The following CADM2 variants were observed in gnomAD, a reference collection of about 807,000 sequenced individuals.
CADM2 encodes cell adhesion molecule 2.
In CADM2, 12 loss-of-function variants were observed where a neutral mutation model predicts 49.8. The ratio of observed to expected loss-of-function variants is 0.24; its 90% confidence interval spans 0.15 to 0.39. The LOEUF is 0.39. CADM2 is among the 10% of genes least tolerant of loss of function. The pLI is 1.00. For synonymous variants in CADM2, 214 were observed against 175.4 expected, an observed-to-expected ratio of 1.22 and a Z score of -1.74; for missense variants, 378 against 492.3, an observed-to-expected ratio of 0.77 and a Z score of 2.20.
chr3:85,526,518 C>A (rs1185680920), intron 1 of CADM2, among the ~76,000 whole-genome samples: 4 of 152,154 alleles, frequency 2.6e-5, no homozygotes, highest in African/African-American at 9.7e-5. Context: ...ATAGGAGGAA[C>A]ACTGACTTGT....
chr3:85,492,926 CTG>C (rs2039737527), intron 1 of CADM2, among the ~76,000 whole-genome samples: 2 of 152,024 alleles, frequency 1.3e-5, no homozygotes, highest in Non-Finnish European at 2.9e-5. Context: ...TGGTACTAGA[CTG>C]TTTATATTTT....
At chr3:85,694,948 A>T (rs536239754) in intron 1 of CADM2, among the ~76,000 whole-genome samples, 49 of 152,110 alleles carry the variant, frequency 3.2e-4, no homozygotes, top group African/African-American at 9.6e-4. Flanking sequence ...TAAAATAAAA[A>T]AAATAAAAGA....
chr3:85,010,634 C>T (rs2033941566), intron 1 of CADM2, among the ~76,000 whole-genome samples: 1 of 151,930 alleles, frequency 6.6e-6, no homozygotes, highest in Admixed American at 6.6e-5. Context: ...TTTGCTACAT[C>T]TTAAAGACTT....
intron 2 of CADM2, among the ~76,000 whole-genome samples, chr3:85,801,549 C>T (rs557687363): frequency 6.6e-6 from 1 of 152,152 alleles, no homozygotes; most frequent in East Asian, 1.9e-4. Flanking sequence ...AAGTGGGATT[C>T]ATTTTTTATT....
At chr3:85,371,169 G>A (rs1163618450) in intron 1 of CADM2, among the ~76,000 whole-genome samples, 1 of 152,032 alleles carries the variant, frequency 6.6e-6, no homozygotes, top group East Asian at 1.9e-4. Context: ...TATAAATTTA[G>A]TGTAACCTAA....
In CADM2 at chr3:85,348,058, T is replaced by A. The variant is rs188263501; in HGVS notation, c.62-378464T>A. Reference sequence around the variant, plus strand: ...TCCTGAACCTCAATTGATCTGCCTATTTTATTAAATTTTTGTCATCTTTCA... The same window carrying A: ...TCCTGAACCTCAATTGATCTGCCTAATTTATTAAATTTTTGTCATCTTTCA... On this transcript the variant is annotated intron_variant, in intron 1 of 9. Coordinates refer to ENST00000383699, the MANE Select transcript of CADM2 (RefSeq NM_001167675.2). Among the ~76,000 whole-genome samples, 7 of 152,094 alleles carry A rather than the reference T, an allele frequency of 4.6e-5. No individual in the cohort carries two copies. The East Asian group carries it at 1.4e-3, about 30-fold the overall frequency.
intron 1 of CADM2, among the ~76,000 whole-genome samples, chr3:85,685,467 G>T (rs1368012429): frequency 6.6e-6 from 1 of 152,104 alleles, no homozygotes; most frequent in African/African-American, 2.4e-5. Flanking sequence ...TTGTGTGGGG[G>T]CAGAAGTTAT....
At chr3:85,530,323 T>G (rs13081995) in intron 1 of CADM2, among the ~76,000 whole-genome samples, 1 of 15,892 alleles carries the variant, frequency 6.3e-5, no homozygotes, top group African/African-American at 1.9e-4. Flanking sequence ...CTTTTCTCCG[T>G]TTTTTTTTTT....
intron 1 of CADM2, among the ~76,000 whole-genome samples, chr3:85,293,833 T>C (rs2043873705): frequency 1.3e-5 from 2 of 149,172 alleles, no homozygotes; most frequent in South Asian, 2.1e-4. Flanking sequence ...GCCAATATCA[T>C]ACTGAATGGG....
intron 8 of CADM2, among the ~76,000 whole-genome samples, chr3:86,024,375 C>T (rs1733599533): frequency 6.6e-6 from 1 of 152,128 alleles, no homozygotes; most frequent in African/African-American, 2.4e-5. Context: ...GCGAGAATCT[C>T]TATTGCTGAG....
chr3:85,870,646 C>G (rs1251208983), intron 3 of CADM2, among the ~76,000 whole-genome samples: 1 of 152,092 alleles, frequency 6.6e-6, no homozygotes, highest in Non-Finnish European at 1.5e-5. Context: ...ATCCATTCTA[C>G]CAATGATGGA....
At chr3:85,857,179 G>T (rs890191107) in intron 3 of CADM2, among the ~76,000 whole-genome samples, 3 of 152,082 alleles carry the variant, frequency 2.0e-5, no homozygotes, top group African/African-American at 4.8e-5. Flanking sequence ...ATTCATAAGG[G>T]TTCCACTCTA....
chr3:85,027,077 G>T (rs1247352940), intron 1 of CADM2, among the ~76,000 whole-genome samples: 26 of 82,230 alleles, frequency 3.2e-4, no homozygotes, highest in Non-Finnish European at 5.4e-4. Flanking sequence ...TATTTTTTTT[G>T]TTGTTGTGGT....
intron 2 of CADM2, among the ~76,000 whole-genome samples, chr3:85,784,251 T>C (rs1268837082): frequency 1.3e-5 from 2 of 152,228 alleles, no homozygotes; most frequent in African/African-American, 4.8e-5. Context: ...CTTCCGATGA[T>C]TTATTTATTA....
intron 2 of CADM2, among the ~76,000 whole-genome samples, chr3:85,740,829 C>T (rs7612224): frequency 9.9e-5 from 15 of 152,268 alleles, no homozygotes; most frequent in African/African-American, 1.4e-4. Context: ...TGTAGCTTTC[C>T]GGCTGTGATT....
At chr3:85,089,061 C>T (rs2037495038) in intron 1 of CADM2, among the ~76,000 whole-genome samples, 1 of 152,024 alleles carries the variant, frequency 6.6e-6, no homozygotes, top group African/African-American at 2.4e-5. Context: ...CTGAAACAGT[C>T]TTAAAGCTGA....
At chr3:85,717,703 G>A (rs1433156805) in intron 1 of CADM2, among the ~76,000 whole-genome samples, 1 of 152,018 alleles carries the variant, frequency 6.6e-6, no homozygotes, top group Non-Finnish European at 1.5e-5. Context: ...ATGAAGCGTT[G>A]TTGAATTATA....
rs78536469 is a variant in CADM2 at position 85,881,926 on chromosome 3, A to G, written c.239-1365A>G. 1.9e-3 allele frequency among the ~76,000 whole-genome samples: 291 copies of G among 152,222 alleles called. 7 individuals carry two copies. In the East Asian group the frequency reaches 0.042, roughly 22 times the overall value. On this transcript the variant is annotated intron_variant, in intron 3 of 9. Transcript: ENST00000383699. ...CCTAGATGCCTCATATCCAGAGTTC[A>G]CAATAGGGTTCACTCTCCTATAAGA...
chr3:85,152,376 T>C (rs964842930), intron 1 of CADM2, among the ~76,000 whole-genome samples: 4 of 152,146 alleles, frequency 2.6e-5, no homozygotes, highest in African/African-American at 9.7e-5. Flanking sequence ...GAAATCTCCA[T>C]GTGGACCCAT....
Sources: gnomAD v4.1 joint callset for allele counts (sites outside exome capture counted in the v4.1 genomes callset) on GRCh38, gnomAD v4.1.1 for gene constraint, MANE v1.5 for transcripts, NCBI Gene and HGNC (gene_info 2026-07-23, HGNC 2026-07-21) for gene names.